The following SGCD variants were observed in gnomAD, a reference collection of about 807,000 sequenced individuals.
SGCD encodes sarcoglycan delta, also known as delta-sarcoglycan.
A neutral mutation model predicts 36.6 loss-of-function variants in SGCD; 18 were observed. The observed-to-expected ratio is 0.49, with a 90% confidence interval of 0.34 to 0.73. SGCD has a LOEUF of 0.73. SGCD is among the 30% of genes least tolerant of loss of function. The pLI, the probability that SGCD is intolerant of heterozygous loss-of-function variation, is 0.01. For missense variants in SGCD, 387 were observed against 346.7 expected (o/e 1.12, Z -0.92); for synonymous variants, 133 against 130.6 (o/e 1.02, Z -0.12).
In SGCD at chr5:155,942,724, T is replaced by C. The variant is rs543900686; in HGVS notation, c.-282+72300T>C. On this transcript the variant is annotated intron_variant, in intron 1 of 9. Transcript: ENST00000517913. ...AGGAACAGAACACAGATAGAAACTA[T>C]GATGTACAATATGCAGGATACCTAT... Among the ~76,000 whole-genome samples the C allele has an allele frequency of 9.9e-5, 15 of 152,208 alleles. No homozygotes were observed. The South Asian group carries it at 3.1e-3, about 32-fold the overall frequency.
the SGCD span, among the ~76,000 whole-genome samples, chr5:155,811,581 G>A: frequency 6.6e-6 from 1 of 152,154 alleles, no homozygotes; most frequent in Admixed American, 6.5e-5. Context: ...GCCACCATAC[G>A]TTTATGCTAG....
chr5:156,253,390 A>G (rs1385703607), intron 3 of SGCD, among the ~76,000 whole-genome samples: 1 of 152,154 alleles, frequency 6.6e-6, no homozygotes, highest in South Asian at 2.1e-4. Flanking sequence ...TTCAGTTTCA[A>G]TTTTATATTT....
chr5:156,401,148 C>A (rs1001590768), intron 3 of SGCD, among the ~76,000 whole-genome samples: 34 of 152,202 alleles, frequency 2.2e-4, no homozygotes, highest in African/African-American at 7.7e-4. Context: ...TGCACAGTAA[C>A]TTAAGAGAAT....
chr5:156,400,952 A>C (rs1772115538), intron 3 of SGCD, among the ~76,000 whole-genome samples: 1 of 152,212 alleles, frequency 6.6e-6, no homozygotes, highest in Admixed American at 6.5e-5. Context: ...CTGTAGGATA[A>C]CCCAGTGTTG....
chr5:155,883,242 T>G (rs533420487), intron 1 of SGCD, among the ~76,000 whole-genome samples: 1 of 152,344 alleles, frequency 6.6e-6, no homozygotes, highest in South Asian at 2.1e-4. Flanking sequence ...ACTTTTGTTT[T>G]CTTACCATTC....
chr5:156,287,132 T>A (rs1310685283), intron 3 of SGCD, among the ~76,000 whole-genome samples: 1 of 152,160 alleles, frequency 6.6e-6, no homozygotes, highest in Non-Finnish European at 1.5e-5. Context: ...GAAGCAATTT[T>A]AACTTATACC....
chr5:156,010,008 C>T (rs1335583659), intron 1 of SGCD, among the ~76,000 whole-genome samples: 1 of 152,160 alleles, frequency 6.6e-6, no homozygotes, highest in African/African-American at 2.4e-5. Flanking sequence ...TTGCTTTGCT[C>T]AAGTTCAAAT....
At chr5:156,133,960 C>G (rs1004652586) in intron 3 of SGCD, among the ~76,000 whole-genome samples, 1 of 138,732 alleles carries the variant, frequency 7.2e-6, no homozygotes, top group African/African-American at 3.0e-5. Flanking sequence ...CACACACACA[C>G]AGTTTCTCTC....
chr5:156,017,349 A>G (rs979645207), intron 1 of SGCD, among the ~76,000 whole-genome samples: 20 of 152,188 alleles, frequency 1.3e-4, no homozygotes, highest in Admixed American at 1.3e-3. Flanking sequence ...ATTTTTATGT[A>G]GGCAAATGCA....
chr5:156,035,182 A>T (rs1388757479), intron 1 of SGCD, among the ~76,000 whole-genome samples: 1 of 152,190 alleles, frequency 6.6e-6, no homozygotes, highest in Non-Finnish European at 1.5e-5. Context: ...TTCTACTTTG[A>T]AATGCTAATA....
chr5:156,233,637 G>GTC (rs1765078573), intron 3 of SGCD, among the ~76,000 whole-genome samples: 1 of 152,216 alleles, frequency 6.6e-6, no homozygotes. Flanking sequence ...AACTAAAAGG[G>GTC]AACACGTGAC....
At chr5:155,728,770 G>T in the SGCD span, among the ~76,000 whole-genome samples, 1 of 151,974 alleles carries the variant, frequency 6.6e-6, no homozygotes, top group Admixed American at 6.5e-5. Context: ...CCCTCTCCCC[G>T]CCGCAGCCTG....
At chr5:156,675,205 A>T (rs1561851068) in intron 7 of SGCD, among the ~76,000 whole-genome samples, 1 of 152,214 alleles carries the variant, frequency 6.6e-6, no homozygotes. Context: ...TGGGACAAGA[A>T]CAGCACCAAC....
intron 1 of SGCD, among the ~76,000 whole-genome samples, chr5:155,967,681 C>A (rs1757928178): frequency 6.6e-6 from 1 of 152,064 alleles, no homozygotes; most frequent in Admixed American, 6.6e-5. Flanking sequence ...ACCACACACC[C>A]AATCAGTTTT....
chr5:156,255,457 G>T (rs1765691055), intron 3 of SGCD, among the ~76,000 whole-genome samples: 1 of 152,058 alleles, frequency 6.6e-6, no homozygotes, highest in Non-Finnish European at 1.5e-5. Context: ...CTGTTAACTG[G>T]CACAATGTGC....
chr5:156,690,075 GTGAC>G (rs1754053172), intron 7 of SGCD, among the ~76,000 whole-genome samples: 2 of 152,250 alleles, frequency 1.3e-5, no homozygotes, highest in South Asian at 4.2e-4. Context: ...ATATTTAAAA[GTGAC>G]TGTCTTCCAG....
intron 6 of SGCD, among the ~76,000 whole-genome samples, chr5:156,603,492 T>A (rs1027536369): frequency 1.3e-5 from 2 of 152,106 alleles, no homozygotes; most frequent in African/African-American, 4.8e-5. Context: ...TCTAGTTCCT[T>A]GAAGTGTATC....
chr5:156,067,872 C>T (rs555101779), intron 1 of SGCD, among the ~76,000 whole-genome samples: 1 of 132,244 alleles, frequency 7.6e-6, no homozygotes, highest in East Asian at 2.0e-4. Context: ...CCCGGTACCT[C>T]AGATGGAAAT....
At chr5:156,561,837 C>G (rs74412895) in intron 4 of SGCD, among the ~76,000 whole-genome samples, 6,225 of 152,210 alleles carry the variant, frequency 0.041, 282 homozygotes, top group African/African-American at 0.11. Context: ...TCCCAACTCT[C>G]ACATTCATGA....
Sources: allele counts gnomAD v4.1 joint callset (sites outside exome capture counted in the v4.1 genomes callset), GRCh38; gene constraint gnomAD v4.1.1; transcripts MANE v1.5; gene names NCBI Gene and HGNC (gene_info 2026-07-23, HGNC 2026-07-21).